VGLL3: variants seen among roughly 807,000 people sequenced by gnomAD.
VGLL3 encodes vestigial like family member 3.
A neutral mutation model predicts 29.2 loss-of-function variants in VGLL3; 18 were observed. The observed-to-expected ratio is 0.62, with a 90% CI of 0.43 to 0.91. The LOEUF is 0.91. Among genes scored for constraint, VGLL3 ranks in the 40% least tolerant of loss-of-function variants. VGLL3 has a pLI of 0.00. For missense variants in VGLL3, 440 were observed against 413.2 expected (o/e 1.06, Z -0.56); for synonymous variants, 180 against 151.8 (o/e 1.19, Z -1.36).
At chr3:86,956,437 CCTT>C (rs1235202493) in intron 3 of VGLL3, among the ~76,000 whole-genome samples, 1 of 152,182 alleles carries the variant, frequency 6.6e-6, no homozygotes, top group South Asian at 2.1e-4. Flanking sequence ...GATGACAACT[CCTT>C]TAAGAAAACT....
At chr3:86,952,071 C>G (rs1430026983) in intron 3 of VGLL3, among the ~76,000 whole-genome samples, 1 of 152,144 alleles carries the variant, frequency 6.6e-6, no homozygotes, top group Non-Finnish European at 1.5e-5. Context: ...AACAACTTAT[C>G]AACTGGACAG....
In VGLL3 at chr3:86,946,790, G is replaced by A. The variant is rs991229421; in HGVS notation, c.*234C>T. The stretch of plus-strand genomic sequence containing the variant: ...AGCAAGATAACAAAAGGAGAGAGTT[G>A]CACAGTTGGCAAAGGCTCAGATGAG... On this transcript the variant is annotated 3_prime_UTR_variant, in exon 4 of 4. Coordinates refer to ENST00000398399, the MANE Select transcript of VGLL3 (RefSeq NM_016206.4). 2.3e-5 allele frequency: 10 copies of A among 439,014 alleles called. No individual in the cohort carries two copies. Among genetic ancestry groups the A allele is most frequent in the African/African-American group, 2.0e-4 (10 of 49,592 alleles). The allele number at this position is 439,014 out of a possible 1,614,324, so 27.2% of individuals were successfully genotyped here. A position where few individuals can be genotyped will look rare whatever the true frequency, so the allele number is the denominator to read the frequency against.
At chr3:86,986,965 T>C (rs1419113040) in intron 1 of VGLL3, among the ~76,000 whole-genome samples, 1 of 152,050 alleles carries the variant, frequency 6.6e-6, no homozygotes, top group East Asian at 1.9e-4. Context: ...TGCATATTAA[T>C]CTTCATTAGA....
Position 86,978,786 on chromosome 3 carries a change from A to G in VGLL3, c.143T>C (p.Phe48Ser). 6.2e-7 allele frequency: 1 copy of G among 1,608,642 alleles called. No homozygotes were observed. The highest frequency in any genetic ancestry group is 1.1e-5 in the South Asian group (1 of 90,098). ...TTCCAGAGAGTCCTGCATCTTGCTG[A>G]ATACCGCTAACTTCTTCTGGGATGG... ...QPGQQKKLAV[F>S]SKMQDSLEVT... The change falls in exon 2 of 4, where the codon TTC (phenylalanine) becomes TCC (serine). Residue 48 changes from phenylalanine to serine, a missense_variant. By Grantham distance (155) the Phe-to-Ser change is radical. Coordinates refer to ENST00000398399, the MANE Select transcript of VGLL3 (RefSeq NM_016206.4).
At chr3:86,985,023 A>C (rs1240480041) in intron 1 of VGLL3, among the ~76,000 whole-genome samples, 1 of 152,234 alleles carries the variant, frequency 6.6e-6, no homozygotes, top group Middle Eastern at 3.2e-3. Flanking sequence ...GATTTGACCG[A>C]AACTATTTCC....
intron 3 of VGLL3, among the ~76,000 whole-genome samples, chr3:86,966,361 A>G (rs987702191): frequency 7.9e-5 from 12 of 152,074 alleles, no homozygotes; most frequent in Non-Finnish European, 1.6e-4. Context: ...TCTAACCTAG[A>G]ATCTCCAATT....
At chr3:86,961,472 A>G (rs993958267) in intron 3 of VGLL3, among the ~76,000 whole-genome samples, 92 of 152,296 alleles carry the variant, frequency 6.0e-4, no homozygotes, top group African/African-American at 2.1e-3. Flanking sequence ...CCACTAAAAG[A>G]GGACTACTAT....
intron 1 of VGLL3, among the ~76,000 whole-genome samples, chr3:86,987,035 T>TA (rs1559735922): frequency 6.6e-6 from 1 of 152,016 alleles, no homozygotes; most frequent in East Asian, 1.9e-4. Flanking sequence ...AGCAAAACAT[T>TA]AAAAAAATTT....
chr3:86,950,957 G>T (rs1704605559), intron 3 of VGLL3, among the ~76,000 whole-genome samples: 1 of 152,120 alleles, frequency 6.6e-6, no homozygotes, highest in Admixed American at 6.5e-5. Flanking sequence ...TAGGACAAAA[G>T]CCTGAAAGAA....
At chr3:86,984,789 A>G (rs1437026700) in intron 1 of VGLL3, among the ~76,000 whole-genome samples, 2 of 152,150 alleles carry the variant, frequency 1.3e-5, no homozygotes, top group Non-Finnish European at 2.9e-5. Flanking sequence ...CAAACTTCTC[A>G]TAGTTAATTG....
chr3:86,956,602 C>T (rs1306054589), intron 3 of VGLL3, among the ~76,000 whole-genome samples: 2 of 151,936 alleles, frequency 1.3e-5, no homozygotes, highest in Non-Finnish European at 2.9e-5. Flanking sequence ...CTGGCTAGCA[C>T]GGTGAAACCC....
At chr3:86,988,640 C>CAAAAA (rs869098443) in intron 1 of VGLL3, among the ~76,000 whole-genome samples, 9 of 13,752 alleles carry the variant, frequency 6.5e-4, no homozygotes, top group African/African-American at 9.6e-4. Context: ...TTTACTTGAC[C>CAAAAA]AAAAAAAAAA....
chr3:86,979,769 ATG>A (rs1183846776), intron 1 of VGLL3, among the ~76,000 whole-genome samples: 4 of 152,128 alleles, frequency 2.6e-5, no homozygotes, highest in Non-Finnish European at 4.4e-5. Flanking sequence ...AGGTATAGAC[ATG>A]TGTGTGCATA....
chr3:86,959,373 T>C (rs1014005005), intron 3 of VGLL3, among the ~76,000 whole-genome samples: 4 of 152,312 alleles, frequency 2.6e-5, no homozygotes, highest in African/African-American at 9.6e-5. Context: ...AAGGCTTCAA[T>C]GAATCCCTAA....
At chr3:86,984,426 C>A (rs1187838452) in intron 1 of VGLL3, among the ~76,000 whole-genome samples, 1 of 152,076 alleles carries the variant, frequency 6.6e-6, no homozygotes, top group African/African-American at 2.4e-5. Context: ...TCAAACCTAA[C>A]CCCTCCAAGG....
intron 1 of VGLL3, among the ~76,000 whole-genome samples, chr3:86,981,359 C>G (rs1020931163): frequency 6.6e-6 from 1 of 151,872 alleles, no homozygotes; most frequent in Admixed American, 6.6e-5. Context: ...AATAAACTAA[C>G]CTAAAAATTA....
chr3:86,952,904 A>C (rs1317899140), intron 3 of VGLL3, among the ~76,000 whole-genome samples: 2 of 152,174 alleles, frequency 1.3e-5, no homozygotes, highest in Non-Finnish European at 1.5e-5. Context: ...ACTTTATGAA[A>C]TTATCACTGT....
chr3:86,978,929 A>G, intron 1 of VGLL3, 127 bp from the exon 2 acceptor site: 1 of 1,106,828 alleles, frequency 9.0e-7, no homozygotes, highest in South Asian at 1.9e-5. Context: ...ATTCTTCTTC[A>G]TCTGTTTTAC....
At chr3:86,966,148 A>G (rs1704954909) in intron 3 of VGLL3, among the ~76,000 whole-genome samples, 1 of 152,074 alleles carries the variant, frequency 6.6e-6, no homozygotes, top group Non-Finnish European at 1.5e-5. Context: ...GTAGGGACAC[A>G]CACAAGGCTT....
Sources: gnomAD v4.1 joint callset for allele counts (sites outside exome capture counted in the v4.1 genomes callset) on GRCh38, gnomAD v4.1.1 for gene constraint, MANE v1.5 for transcripts, NCBI Gene and HGNC (gene_info 2026-07-23, HGNC 2026-07-21) for gene names.